Variants in AP3B1 observed in about 807,000 individuals in gnomAD.
AP3B1 encodes the protein adaptor related protein complex 3 subunit beta 1, also known as AP-3 complex subunit beta-1.
In AP3B1, 61 loss-of-function variants were observed where a neutral mutation model predicts 132.5. The observed-to-expected ratio is 0.46, with a 90% CI of 0.37 to 0.57. The LOEUF is 0.57. Among genes scored for constraint, AP3B1 ranks in the 20% least tolerant of loss-of-function variants. The pLI is 0.00. For synonymous variants in AP3B1, 388 were observed against 438.3 expected, an observed-to-expected ratio of 0.89 and a Z score of 1.43; for missense variants, 1,120 against 1,289.4, an observed-to-expected ratio of 0.87 and a Z score of 2.01.
chr5:78,167,640 C>G (rs1280012302), intron 11 of AP3B1, among the ~76,000 whole-genome samples: 2 of 151,808 alleles, frequency 1.3e-5, no homozygotes, highest in Non-Finnish European at 2.9e-5. Flanking sequence ...TATACACACA[C>G]ACACACACAC....
chr5:78,091,772 T>C (rs1750527797), intron 21 of AP3B1, among the ~76,000 whole-genome samples: 1 of 152,040 alleles, frequency 6.6e-6, no homozygotes, highest in African/African-American at 2.4e-5. Flanking sequence ...AACAGAGGAA[T>C]GACAATGAAT....
chr5:78,251,518 T>C (rs1484133591), intron 2 of AP3B1, among the ~76,000 whole-genome samples: 3 of 152,180 alleles, frequency 2.0e-5, no homozygotes, highest in African/African-American at 7.2e-5. Flanking sequence ...ATGGAGGGTA[T>C]CTCTGGGCAC....
At position 78,203,915 on chromosome 5, in the gene AP3B1, C is replaced by T. The variant is rs1197608236; in HGVS notation, c.786+12140G>A. On this transcript the variant is annotated intron_variant, in intron 7 of 26. Transcript: ENST00000255194. ...TCATTTAAGTTATTATACGTTTTCC[C>T]TCTAGTATTTCTAGTTGGTTTCTTT... Among the ~76,000 whole-genome samples, 4 of 152,232 alleles carry T rather than the reference C, an allele frequency of 2.6e-5. No homozygotes were observed. The East Asian group carries it at 7.7e-4, about 29-fold the overall frequency.
At chr5:78,164,296 T>C (rs1185724706) in intron 12 of AP3B1, among the ~76,000 whole-genome samples, 1 of 151,818 alleles carries the variant, frequency 6.6e-6, no homozygotes, top group Non-Finnish European at 1.5e-5. Flanking sequence ...ATGAAAAAAA[T>C]ACTTAAAAGT....
At chr5:78,132,381 C>T (rs1752726720) in intron 15 of AP3B1, among the ~76,000 whole-genome samples, 1 of 152,092 alleles carries the variant, frequency 6.6e-6, no homozygotes, top group Admixed American at 6.6e-5. Context: ...TTACTTTGTT[C>T]CCATTTGCAG....
intron 24 of AP3B1, among the ~76,000 whole-genome samples, chr5:78,025,265 G>A (rs1000417951): frequency 6.6e-5 from 10 of 152,024 alleles, no homozygotes; most frequent in African/African-American, 1.5e-4. Flanking sequence ...CATACTCCTC[G>A]ATTAAAAGTG....
At chr5:78,240,792 A>G (rs1402489455) in intron 3 of AP3B1, 70 bp downstream of exon 3, 1 of 1,039,046 alleles carries the variant, frequency 9.6e-7, no homozygotes, top group Non-Finnish European at 1.5e-6. Context: ...ATGTTGCATT[A>G]TACTACATAA....
chr5:78,122,786 G>T (rs1389526179), intron 17 of AP3B1, among the ~76,000 whole-genome samples: 3 of 152,154 alleles, frequency 2.0e-5, no homozygotes, highest in Non-Finnish European at 2.9e-5. Context: ...GTAATTTATA[G>T]ATTCAATGCC....
In AP3B1 at chr5:78,141,164, C is replaced by T; in HGVS notation, c.1629G>A (p.Leu543=). The part of the protein sequence containing the change: ...KLQILNLGAK[L]YLTNSKQTKL... ...TCACCTGTTTGGAGTTGGTTAAATA[C>T]AATTTTGCTCCCAGATTTAATATCT... The change falls in exon 15 of 27, where the codon TTG becomes TTA. Residue 543 remains leucine, a synonymous_variant. Transcript: ENST00000255194. The T allele has an allele frequency of 1.2e-6, 2 of 1,613,670 alleles. No individual in the cohort carries two copies. The highest frequency in any genetic ancestry group is 2.2e-5 in the East Asian group (1 of 44,838).
chr5:78,117,640 C>A (rs1751916005), intron 17 of AP3B1, among the ~76,000 whole-genome samples: 1 of 152,006 alleles, frequency 6.6e-6, no homozygotes, highest in African/African-American at 2.4e-5. Context: ...GTGGCTGACA[C>A]AATAAATACT....
At chr5:78,245,493 G>A (rs985030566) in intron 2 of AP3B1, among the ~76,000 whole-genome samples, 1 of 152,158 alleles carries the variant, frequency 6.6e-6, no homozygotes, top group African/African-American at 2.4e-5. Context: ...CCTCCTCAGA[G>A]GCCTCTTGTG....
chr5:78,114,032 T>C (rs1468811089), intron 18 of AP3B1, 109 bp from the exon 19 acceptor site: 3 of 1,207,610 alleles, frequency 2.5e-6, no homozygotes, highest in Non-Finnish European at 3.5e-6. Context: ...TGAATTTTAG[T>C]TCAGTGGACA....
chr5:78,181,639 T>C lies in AP3B1; in HGVS notation c.810A>G (p.Gly270=). 6.2e-7 allele frequency: 1 copy of C among 1,612,142 alleles called. No individual in the cohort carries two copies. Among genetic ancestry groups the C allele is most frequent in the Non-Finnish European group, 8.5e-7 (1 of 1,179,432 alleles). The change falls in exon 8 of 27, where the codon GGA becomes GGG. Residue 270 remains glycine, a synonymous_variant. Transcript: ENST00000255194. ...CATCATCAGATTCGTAGAAATTCTT[T>C]CCATTGTCTTCTAATTCATCACCCT... ...WKEGDELEDN[G]KNFYESDDDQ...
In AP3B1 at chr5:78,162,868, G is replaced by A. The variant is rs762717274; in HGVS notation, c.1314C>T (p.Val438=). The part of the protein sequence containing the change: ...IGRCATNILE[V]TDTCLNGLVC... ...CCAAGCCATTGAGGCACGTGTCAGT[G>A]ACTTCCAAGATGTTGGTTGCACATC... Residue 438 remains valine, a synonymous_variant, in exon 13 of 27, where the codon GTC becomes GTT. Transcript: ENST00000255194. The A allele has an allele frequency of 6.2e-7, 1 of 1,613,992 alleles. No individual in the cohort carries two copies. The highest frequency in any genetic ancestry group is 8.5e-7 in the Non-Finnish European group (1 of 1,179,898).
At chr5:78,135,140 T>G (rs1238693524) in intron 15 of AP3B1, among the ~76,000 whole-genome samples, 1 of 152,192 alleles carries the variant, frequency 6.6e-6, no homozygotes, top group Non-Finnish European at 1.5e-5. Context: ...CTTTTAACTT[T>G]AGGAGGAATC....
chr5:78,119,522 C>A (rs1157065004), intron 17 of AP3B1, among the ~76,000 whole-genome samples: 1 of 152,128 alleles, frequency 6.6e-6, no homozygotes, highest in South Asian at 2.1e-4. Flanking sequence ...AAAGCCAAGG[C>A]TCGAGAACTA....
chr5:78,108,442 G>C (rs1432468331), intron 20 of AP3B1, among the ~76,000 whole-genome samples: 2 of 152,256 alleles, frequency 1.3e-5, no homozygotes, highest in East Asian at 3.9e-4. Flanking sequence ...CTCCAAGGTG[G>C]AGAGTACTTA....
chr5:78,246,750 C>A (rs959984975), intron 2 of AP3B1, among the ~76,000 whole-genome samples: 1 of 152,030 alleles, frequency 6.6e-6, no homozygotes. Context: ...TCAATTTTAT[C>A]TATCTTTTCC....
intron 23 of AP3B1, among the ~76,000 whole-genome samples, chr5:78,035,492 C>T (rs1455585570): frequency 6.6e-6 from 1 of 151,946 alleles, no homozygotes; most frequent in African/African-American, 2.4e-5. Flanking sequence ...CCATTGAATG[C>T]TAACCACGAC....
Sources: gnomAD v4.1 joint callset for allele counts (sites outside exome capture counted in the v4.1 genomes callset) on GRCh38, gnomAD v4.1.1 for gene constraint, MANE v1.5 for transcripts, NCBI Gene and HGNC (gene_info 2026-07-23, HGNC 2026-07-21) for gene names.